ORC3: variants seen among roughly 807,000 people sequenced by gnomAD.
The protein encoded by ORC3 is origin recognition complex subunit 3.
A neutral mutation model predicts 100.7 loss-of-function variants in ORC3; 78 were observed. The ratio of observed to expected loss-of-function variants is 0.77; its 90% CI spans 0.65 to 0.94. The LOEUF is 0.94. Among genes scored for constraint, ORC3 ranks in the 40% least tolerant of loss-of-function variants. The probability of loss-of-function intolerance (pLI) is 0.00; values close to 1 mark genes in which losing one functional copy is unlikely to be tolerated. For synonymous variants in ORC3, 295 were observed against 289.3 expected, an observed-to-expected ratio of 1.02 and a Z score of -0.20; for missense variants, 789 against 823.9, an observed-to-expected ratio of 0.96 and a Z score of 0.52.
chr6:87,622,362 G>C (rs1319363042), intron 11 of ORC3, among the ~76,000 whole-genome samples: 1 of 152,030 alleles, frequency 6.6e-6, no homozygotes, highest in African/African-American at 2.4e-5. Context: ...CTTTTTAAAG[G>C]CTGTGATAAA....
At chr6:87,675,739 C>G in the ORC3 span, 1 of 1,445,550 alleles carries the variant, frequency 6.9e-7, no homozygotes, top group East Asian at 2.3e-5. Flanking sequence ...CTGCCTATTT[C>G]CTCCATACAT....
At chr6:87,650,346 G>A (rs1397512326) in intron 13 of ORC3, among the ~76,000 whole-genome samples, 3 of 151,962 alleles carry the variant, frequency 2.0e-5, no homozygotes, top group African/African-American at 7.2e-5. Context: ...GAGCCACCAC[G>A]CCCAGCTCTT....
chr6:87,608,562 C>T (rs1382408120), intron 6 of ORC3, among the ~76,000 whole-genome samples: 4 of 152,196 alleles, frequency 2.6e-5, no homozygotes, highest in Admixed American at 2.6e-4. Context: ...TAATACTTAC[C>T]ATAATACCTG....
intron 11 of ORC3, among the ~76,000 whole-genome samples, chr6:87,626,804 G>T (rs940799571): frequency 1.4e-5 from 2 of 146,028 alleles, no homozygotes; most frequent in African/African-American, 5.1e-5. Context: ...AAAAAAAAAA[G>T]TAGGATAATA....
rs1475637486 is a variant in ORC3 at position 87,664,745 on chromosome 6, T to C, written c.1836T>C (p.Asn612=). The part of the protein sequence containing the change: ...ALNNPYYYLK[N]EALKSEEGCI... Reference sequence around the variant, plus strand: ...CTTAGTTTACTGTTAATTGTTAGAATGAAGCACTGAAAAGCGAAGAAGGCT... The same window carrying C: ...CTTAGTTTACTGTTAATTGTTAGAACGAAGCACTGAAAAGCGAAGAAGGCT... Residue 612 remains asparagine, a splice_region_variant and synonymous_variant, in exon 18 of 20, where the codon AAT becomes AAC. Transcript: ENST00000392844. 6.2e-6 allele frequency: 10 copies of C among 1,612,210 alleles called. No individual in the cohort carries two copies. Among genetic ancestry groups the C allele is most frequent in the Non-Finnish European group, 7.6e-6 (9 of 1,178,362 alleles).
chr6:87,607,839 A>C lies in ORC3; in HGVS notation c.579+15A>C. The C allele has an allele frequency of 6.3e-7, 1 of 1,584,358 alleles. No homozygotes were observed. Among genetic ancestry groups the C allele is most frequent in the African/African-American group, 1.3e-5 (1 of 74,218 alleles). ...CTGTCACACAGGTAGATATAAACTG[A>C]TGATTTTCTCCCAGGAAATTGACGT... is the stretch of plus-strand genomic sequence containing the variant. On this transcript the variant is annotated intron_variant, in intron 6 of 19. Coordinates refer to ENST00000392844, the MANE Select transcript of ORC3 (RefSeq NM_012381.4).
At chr6:87,593,850 A>G (rs1386726018) in intron 1 of ORC3, among the ~76,000 whole-genome samples, 7 of 152,074 alleles carry the variant, frequency 4.6e-5, no homozygotes, top group Admixed American at 4.6e-4. Flanking sequence ...GCTCACACCA[A>G]CACGCCTGGC....
intron 4 of ORC3, among the ~76,000 whole-genome samples, chr6:87,603,852 A>G (rs1778147895): frequency 6.6e-6 from 1 of 152,234 alleles, no homozygotes; most frequent in Non-Finnish European, 1.5e-5. Context: ...ATTTGGTAAT[A>G]AAGAAACTAC....
chr6:87,616,377 A>G lies in ORC3; in HGVS notation c.937A>G (p.Ile313Val). ...AAAAGTATTACAGGTTCTGACCAAC[A>G]TCTTTTTGTATCATGATTTCTCAGT... ...NEKVLQVLTN[I>V]FLYHDFSVQN... Residue 313 changes from isoleucine to valine, a missense_variant, in exon 9 of 20, where the codon ATC (isoleucine) becomes GTC (valine). Transcript: ENST00000392844. 1 of 1,547,382 alleles carries G rather than the reference A, an allele frequency of 6.5e-7. No homozygotes were observed. The highest frequency in any genetic ancestry group is 1.1e-5 in the South Asian group (1 of 89,590).
chr6:87,595,226 G>A (rs1203956666), intron 2 of ORC3: 1 of 152,206 alleles, frequency 6.6e-6, no homozygotes, highest in Non-Finnish European at 1.5e-5. Context: ...ATAAGTAAAG[G>A]AATTGGAGTG....
At chr6:87,645,972 TTC>T (rs1160664945) in intron 13 of ORC3, among the ~76,000 whole-genome samples, 1 of 141,390 alleles carries the variant, frequency 7.1e-6, no homozygotes, top group African/African-American at 2.8e-5. Context: ...AAATAATTTT[TTC>T]TTTTTTTTTC....
intron 13 of ORC3, among the ~76,000 whole-genome samples, chr6:87,646,645 T>C (rs1284615883): frequency 6.6e-6 from 1 of 152,218 alleles, no homozygotes; most frequent in African/African-American, 2.4e-5. Context: ...TTGACTACAG[T>C]TCATCACTCC....
At chr6:87,653,737 G>A in intron 14 of ORC3, among the ~76,000 whole-genome samples, 1 of 152,118 alleles carries the variant, frequency 6.6e-6, no homozygotes, top group East Asian at 1.9e-4. Context: ...ATCTGCATGA[G>A]GCTTACTTTA....
At chr6:87,668,082 G>C (rs1030083386), downstream of ORC3, among the ~76,000 whole-genome samples, 1 of 152,122 alleles carries the variant, frequency 6.6e-6, no homozygotes, top group South Asian at 2.1e-4. Flanking sequence ...ATGACATCTC[G>C]ATCTCTTCTA....
intron 13 of ORC3, among the ~76,000 whole-genome samples, chr6:87,644,076 GTCCTTTTTTTTTTTTTT>G (rs1768516036): frequency 3.0e-5 from 3 of 99,680 alleles, no homozygotes; most frequent in Admixed American, 2.4e-4. Context: ...ATGGCTGACT[GTCCTTTTTTTTTTTTTT>G]TTTTTTTTTT....
At chr6:87,665,017 C>T (rs1449754918) in intron 18 of ORC3, among the ~76,000 whole-genome samples, 158 bp downstream of exon 18, 1 of 152,130 alleles carries the variant, frequency 6.6e-6, no homozygotes, top group Non-Finnish European at 1.5e-5. Context: ...TTTAAAAGTT[C>T]CTTAGGAAGT....
At chr6:87,603,932 A>G (rs1052924033) in intron 4 of ORC3, among the ~76,000 whole-genome samples, 1 of 152,122 alleles carries the variant, frequency 6.6e-6, no homozygotes, top group Admixed American at 6.5e-5. Flanking sequence ...TATGACCTTA[A>G]TTTTATTTTC....
intron 7 of ORC3, among the ~76,000 whole-genome samples, chr6:87,611,392 A>G (rs1317100090): frequency 2.0e-5 from 3 of 152,162 alleles, no homozygotes; most frequent in African/African-American, 4.8e-5. Flanking sequence ...CTTAATGACT[A>G]CCTTAGCCAT....
intron 14 of ORC3, among the ~76,000 whole-genome samples, chr6:87,654,290 A>T (rs1411963301): frequency 2.0e-5 from 3 of 152,220 alleles, no homozygotes; most frequent in Non-Finnish European, 4.4e-5. Context: ...GTCATGGAAG[A>T]TGAAAGAGAA....
Sources: allele counts gnomAD v4.1 joint callset (sites outside exome capture counted in the v4.1 genomes callset), GRCh38; gene constraint gnomAD v4.1.1; transcripts MANE v1.5; gene names NCBI Gene and HGNC (gene_info 2026-07-23, HGNC 2026-07-21).